ADAMTS2: variants seen among roughly 807,000 people sequenced by gnomAD.
The protein encoded by ADAMTS2 is A disintegrin and metalloproteinase with thrombospondin motifs 2.
A neutral mutation model predicts 123.0 loss-of-function variants in ADAMTS2; 50 were observed. That is an observed-to-expected ratio of 0.41 (90% CI 0.32 to 0.51). ADAMTS2 has a LOEUF of 0.51. ADAMTS2 is among the 20% of genes least tolerant of loss of function. The pLI is 0.35. For synonymous variants in ADAMTS2, 678 were observed against 695.4 expected, an observed-to-expected ratio of 0.98 and a Z score of 0.39; for missense variants, 1,494 against 1,705.2, an observed-to-expected ratio of 0.88 and a Z score of 2.18.
At chr5:179,279,663 G>A (rs1316248482) in intron 2 of ADAMTS2, among the ~76,000 whole-genome samples, 1 of 152,230 alleles carries the variant, frequency 6.6e-6, no homozygotes, top group African/African-American at 2.4e-5. Flanking sequence ...TTCAGGGAAG[G>A]GGGCTGGACC....
intron 4 of ADAMTS2, among the ~76,000 whole-genome samples, chr5:179,184,467 C>T (rs1231407237): frequency 6.3e-5 from 9 of 143,614 alleles, no homozygotes; most frequent in Non-Finnish European, 7.5e-5. Flanking sequence ...GCCGAGATCG[C>T]GTCATTGCAC....
At position 179,190,469 on chromosome 5, in the gene ADAMTS2, GTAT is replaced by G. The variant is rs763755852; in HGVS notation, c.892-9317_892-9315del. On this transcript the variant is annotated intron_variant, in intron 4 of 21. Coordinates refer to ENST00000251582, the MANE Select transcript of ADAMTS2 (RefSeq NM_014244.5). ...CGTCCGAATAAAAGGAGAAAAACAG[GTAT>G]TAAAGGACTAAGAATTGGGAGGACC... 1.2e-4 allele frequency among the ~76,000 whole-genome samples: 11 copies of G among 89,676 alleles called. No homozygotes were observed. The East Asian group carries it at 2.3e-3, about 19-fold the overall frequency. The allele number at this position is 89,676 out of a possible 152,430, so 58.8% of individuals were successfully genotyped here. A position where few individuals can be genotyped will look rare whatever the true frequency, so the allele number is the denominator to read the frequency against.
intron 2 of ADAMTS2, among the ~76,000 whole-genome samples, chr5:179,321,077 T>C (rs1408004183): frequency 6.6e-6 from 1 of 152,228 alleles, no homozygotes; most frequent in East Asian, 1.9e-4. Flanking sequence ...TAAGTTTTTT[T>C]TTCTTTTTTC....
intron 10 of ADAMTS2, among the ~76,000 whole-genome samples, chr5:179,150,541 C>T (rs984477951): frequency 1.1e-4 from 17 of 152,096 alleles, no homozygotes; most frequent in African/African-American, 3.4e-4. Flanking sequence ...CGTGGAGAAA[C>T]GGATACACCA....
rs906998403 is a variant in ADAMTS2 at position 179,332,442 on chromosome 5, T to C, written c.534+11325A>G. ...ACTCTTATATCAGGAACAAGGGGAC[T>C]CAGACCAAATCTGATAATAAAAGGT... On this transcript the variant is annotated intron_variant, in intron 2 of 21. Coordinates refer to ENST00000251582, the MANE Select transcript of ADAMTS2 (RefSeq NM_014244.5). The surrounding 1 kb of genome is among the most constrained non-coding windows in gnomAD (Gnocchi z 4.2). 2.0e-5 allele frequency among the ~76,000 whole-genome samples: 3 copies of C among 152,342 alleles called. No individual in the cohort carries two copies. The highest frequency in any genetic ancestry group is 2.9e-5 in the Non-Finnish European group (2 of 68,038).
chr5:179,150,717 C>T (rs939055697), intron 10 of ADAMTS2, among the ~76,000 whole-genome samples: 1 of 152,104 alleles, frequency 6.6e-6, no homozygotes, highest in Non-Finnish European at 1.5e-5. Flanking sequence ...CCGGAATAGG[C>T]AACTCTATAG....
In ADAMTS2 at chr5:179,256,765, G is replaced by A. The variant is rs1266574097; in HGVS notation, c.688+16146C>T. ...CCCAGGGTGGCCAGGCCTTCTGAAG[G>A]AACTGAAAATTGAGATTTTCATGTG... On this transcript the variant is annotated intron_variant, in intron 3 of 21. Transcript: ENST00000251582. The surrounding 1 kb of genome is among the most constrained non-coding windows in gnomAD (Gnocchi z 4.1). Among the ~76,000 whole-genome samples, 1 of 152,214 alleles carries A rather than the reference G, an allele frequency of 6.6e-6. No individual in the cohort carries two copies. Among genetic ancestry groups the A allele is most frequent in the African/African-American group, 2.4e-5 (1 of 41,450 alleles).
rs1032639102 is a variant in ADAMTS2 at position 179,285,231 on chromosome 5, T to C, written c.535-12167A>G. ...AATATTTTCTGTATTTTTTTTGTTT[T>C]ACATTTTTACAAAGGGCATATAGCA... On this transcript the variant is annotated intron_variant, in intron 2 of 21. Transcript: ENST00000251582. This position sits in a 1 kb window ranked among gnomAD's most constrained non-coding sequence, Gnocchi z 4.9. 2.0e-5 allele frequency among the ~76,000 whole-genome samples: 3 copies of C among 152,194 alleles called. No individual in the cohort carries two copies. The highest frequency in any genetic ancestry group is 6.5e-5 in the Admixed American group (1 of 15,270).
At chr5:179,277,238 G>C (rs540499481) in intron 2 of ADAMTS2, among the ~76,000 whole-genome samples, 1 of 152,002 alleles carries the variant, frequency 6.6e-6, no homozygotes, top group Admixed American at 6.6e-5. Flanking sequence ...AGCCCCGCCC[G>C]TCTCTGTTGA....
At chr5:179,267,685 G>T (rs1271575090) in intron 3 of ADAMTS2, among the ~76,000 whole-genome samples, 1 of 152,216 alleles carries the variant, frequency 6.6e-6, no homozygotes, top group Non-Finnish European at 1.5e-5. Context: ...ACCGTGTTTT[G>T]TTTGGTCTAT....
chr5:179,126,163 G>A lies in ADAMTS2; in HGVS notation c.2618-33C>T. ...CAGAGAGCTCGACGGGGGTCGGTGG[G>A]GCAGCATGCCCTGCCCGAGGGTGCA... On this transcript the variant is annotated intron_variant, in intron 17 of 21. Coordinates refer to ENST00000251582, the MANE Select transcript of ADAMTS2 (RefSeq NM_014244.5). 3 of 1,612,446 alleles carry A rather than the reference G, an allele frequency of 1.9e-6. No individual in the cohort carries two copies. In the Admixed American group the frequency reaches 5.0e-5, roughly 27 times the overall value.
rs1386741882 is a variant in ADAMTS2 at position 179,272,927 on chromosome 5, T to C, written c.672A>G (p.Pro224=). 1 of 1,610,144 alleles carries C rather than the reference T, an allele frequency of 6.2e-7. No individual in the cohort carries two copies. The highest frequency in any genetic ancestry group is 1.7e-5 in the Admixed American group (1 of 60,012). Reference sequence around the variant, plus strand: ...TAGCCTCACCTGTGTCCAGGGCCTGTGGCCCCCCGAGAGGAGGGGACGTGG... The same window carrying C: ...TAGCCTCACCTGTGTCCAGGGCCTGCGGCCCCCCGAGAGGAGGGGACGTGG... ...RPPTSPPLGG[P]QALDTGASLD... The change falls in exon 3 of 22, where the codon CCA becomes CCG. Residue 224 remains proline, a synonymous_variant. Transcript: ENST00000251582. The surrounding 1 kb of genome is among the most constrained non-coding windows in gnomAD (Gnocchi z 5.8).
Position 179,332,950 on chromosome 5 carries a change from G to T in ADAMTS2, c.534+10817C>A, listed in dbSNP as rs1164230898. ...AAGTGTGGACAGCCCTGCAGCAAAG[G>T]CCAGCTACTGCCCTGGGAGCCCTCA... is the stretch of plus-strand genomic sequence containing the variant. On this transcript the variant is annotated intron_variant, in intron 2 of 21. Coordinates refer to ENST00000251582, the MANE Select transcript of ADAMTS2 (RefSeq NM_014244.5). This position sits in a 1 kb window ranked among gnomAD's most constrained non-coding sequence, Gnocchi z 4.2. 6.6e-6 allele frequency among the ~76,000 whole-genome samples: 1 copy of T among 152,160 alleles called. No homozygotes were observed. Among genetic ancestry groups the T allele is most frequent in the Non-Finnish European group, 1.5e-5 (1 of 68,004 alleles).
At position 179,170,475 on chromosome 5, in the gene ADAMTS2, C is replaced by A. The variant is rs1298115238; in HGVS notation, c.975+10597G>T. On this transcript the variant is annotated intron_variant, in intron 5 of 21. Coordinates refer to ENST00000251582, the MANE Select transcript of ADAMTS2 (RefSeq NM_014244.5). The surrounding 1 kb of genome is among the most constrained non-coding windows in gnomAD (Gnocchi z 4.3). ...GCTAAAATTCTTCTAGAGACGGGGGCCTCATTCCTTGACGGGAAGCCTGTG... is the reference window on the plus strand; with the variant it reads ...GCTAAAATTCTTCTAGAGACGGGGGACTCATTCCTTGACGGGAAGCCTGTG... Among the ~76,000 whole-genome samples, 3 of 152,132 alleles carry A rather than the reference C, an allele frequency of 2.0e-5. No homozygotes were observed. Among genetic ancestry groups the A allele is most frequent in the African/African-American group, 7.2e-5 (3 of 41,436 alleles).
At chr5:179,237,009 C>T (rs767967616) in intron 3 of ADAMTS2, among the ~76,000 whole-genome samples, 7 of 152,106 alleles carry the variant, frequency 4.6e-5, no homozygotes, top group Non-Finnish European at 7.4e-5. Context: ...AATCTCAGCA[C>T]TTTGGGGGGT....
In ADAMTS2 at chr5:179,139,788, G is replaced by T. The variant is rs149275286; in HGVS notation, c.1775+102C>A. The T allele has an allele frequency of 1.9e-5, 30 of 1,543,552 alleles. No homozygotes were observed. The South Asian group carries it at 3.1e-4, about 16-fold the overall frequency. On this transcript the variant is annotated intron_variant, in intron 11 of 21. Coordinates refer to ENST00000251582, the MANE Select transcript of ADAMTS2 (RefSeq NM_014244.5). ...CCTGCCCTGCACCTCTCCAGAACTG[G>T]TGTGCAGCCACAGGGCCCTCCAGGA...
Position 179,307,987 on chromosome 5 carries a change from G to T in ADAMTS2, c.535-34923C>A, listed in dbSNP as rs1756725577. Among the ~76,000 whole-genome samples, 5 of 152,204 alleles carry T rather than the reference G, an allele frequency of 3.3e-5. No homozygotes were observed. Among genetic ancestry groups the T allele is most frequent in the Admixed American group, 3.3e-4 (5 of 15,282 alleles). ...TGTCCTTGCTGGGTCCACGTCACCA[G>T]ACCAGTGCCTGGCATCTCACAGGCA... On this transcript the variant is annotated intron_variant, in intron 2 of 21. Coordinates refer to ENST00000251582, the MANE Select transcript of ADAMTS2 (RefSeq NM_014244.5). This position sits in a 1 kb window ranked among gnomAD's most constrained non-coding sequence, Gnocchi z 5.6.
rs7449138 is a variant in ADAMTS2 at position 179,304,694 on chromosome 5, C to G, written c.535-31630G>C. 8.5e-3 allele frequency among the ~76,000 whole-genome samples: 1,295 copies of G among 152,202 alleles called. 31 individuals are homozygous for G. Among genetic ancestry groups the G allele is most frequent in the Admixed American group, 0.056 (853 of 15,290 alleles). ...TAAAAATATTTTATAATGCCAAGAG[C>G]CTTAGAGACTGTGGGAAAATACCGA... On this transcript the variant is annotated intron_variant, in intron 2 of 21. Coordinates refer to ENST00000251582, the MANE Select transcript of ADAMTS2 (RefSeq NM_014244.5).
intron 3 of ADAMTS2, among the ~76,000 whole-genome samples, chr5:179,240,925 T>C (rs1044800777): frequency 7.2e-5 from 11 of 152,216 alleles, no homozygotes; most frequent in African/African-American, 2.2e-4. Flanking sequence ...CAGAACTCTA[T>C]GGATGCCGCA....
Sources: allele counts gnomAD v4.1 joint callset (sites outside exome capture counted in the v4.1 genomes callset), GRCh38; gene constraint gnomAD v4.1.1; non-coding constraint Gnocchi (gnomAD v3.1); transcripts MANE v1.5; gene names NCBI Gene and HGNC (gene_info 2026-07-23, HGNC 2026-07-21).